ZNF846: variants seen among roughly 807,000 people sequenced by gnomAD.
ZNF846 encodes the protein zinc finger protein 846.
In ZNF846, 15 loss-of-function variants were observed where a neutral mutation model predicts 16.0. The ratio of observed to expected loss-of-function variants is 0.94; its 90% confidence interval spans 0.63 to 1.45. The LOEUF (loss-of-function observed/expected upper bound fraction) is 1.45. ZNF846 is among the 40% of genes most tolerant of loss of function. The pLI is 0.00. For missense variants in ZNF846, 714 were observed against 622.3 expected, an observed-to-expected ratio of 1.15 and a Z score of -1.57; for synonymous variants, 229 against 212.0, an observed-to-expected ratio of 1.08 and a Z score of -0.70.
chr19:9,777,898 C>T (rs577699403), intron 1 of ZNF846, among the ~76,000 whole-genome samples: 1 of 152,126 alleles, frequency 6.6e-6, no homozygotes, highest in African/African-American at 2.4e-5. Context: ...TTGTGAGTAA[C>T]GGTGCTATGA....
chr19:9,756,923 T>C (rs1039594401), downstream of ZNF846: 3 of 151,732 alleles, frequency 2.0e-5, no homozygotes, highest in African/African-American at 7.3e-5. Context: ...ATGCTGGGTG[T>C]GGTGGCTCAA....
At chr19:9,771,628 G>C (rs1013135024), upstream of ZNF846, among the ~76,000 whole-genome samples, 2 of 152,048 alleles carry the variant, frequency 1.3e-5, no homozygotes, top group Non-Finnish European at 2.9e-5. Context: ...TGACTTTCTT[G>C]CTTTTTATAG....
At chr19:9,757,732 C>G (rs370808629) in exon 6 of ZNF846, 2 of 1,613,280 alleles carry the variant, frequency 1.2e-6, no homozygotes, top group South Asian at 1.1e-5. Flanking sequence ...CATTCACAGG[C>G]CTTTTCTCCA....
downstream of ZNF846, among the ~76,000 whole-genome samples, chr19:9,749,517 TTC>T (rs1341331617): frequency 3.3e-5 from 5 of 151,972 alleles, no homozygotes; most frequent in East Asian, 9.7e-4. Flanking sequence ...GCAAGATACA[TTC>T]CAATTCTCCT....
chr19:9,767,289 C>T (rs1357330882), intron 1 of ZNF846, among the ~76,000 whole-genome samples: 1 of 151,988 alleles, frequency 6.6e-6, no homozygotes, highest in Admixed American at 6.6e-5. Flanking sequence ...GCATGCCCCA[C>T]CACACCTGGC....
In ZNF846 at chr19:9,783,333, C is replaced by T. The variant is rs140036910; in HGVS notation, c.-86+2605G>A. 7.2e-3 allele frequency among the ~76,000 whole-genome samples: 1,005 copies of T among 139,572 alleles called. 19 individuals are homozygous for T. The highest frequency in any genetic ancestry group is 0.025 in the African/African-American group (945 of 37,392). 91.6% of individuals were successfully genotyped at this position (139,572 alleles called of 152,430 possible). ...GCAACCTCCAACTCCCAAGTTCAAG[C>T]GATTCTCCTGCCTCAGCCTCCCTAG... On this transcript the variant is annotated intron_variant, in intron 1 of 4. Transcript: ENST00000586814.
chr19:9,781,226 A>G (rs182943064), intron 1 of ZNF846, among the ~76,000 whole-genome samples: 7 of 152,270 alleles, frequency 4.6e-5, no homozygotes, highest in East Asian at 1.9e-4. Flanking sequence ...CCCAGGTCCA[A>G]GCGAATTCTC....
chr19:9,764,249 T>A (rs535200016), intron 2 of ZNF846, among the ~76,000 whole-genome samples: 1 of 152,372 alleles, frequency 6.6e-6, no homozygotes, highest in African/African-American at 2.4e-5. Flanking sequence ...ACTTCTGGTC[T>A]AACCAGTTGT....
chr19:9,761,752 A>G (rs2045233733), intron 4 of ZNF846, among the ~76,000 whole-genome samples: 1 of 152,132 alleles, frequency 6.6e-6, no homozygotes, highest in African/African-American at 2.4e-5. Flanking sequence ...CCAACTAATA[A>G]TATGCAGAAA....
At chr19:9,762,148 G>C in exon 4 of ZNF846, 1 of 1,614,000 alleles carries the variant, frequency 6.2e-7, no homozygotes, top group South Asian at 1.1e-5. Flanking sequence ...ATGAGACTAC[G>C]TTTGAATAAT....
intron 4 of ZNF846, among the ~76,000 whole-genome samples, chr19:9,760,461 G>C (rs1025190997): frequency 1.3e-5 from 2 of 151,340 alleles, no homozygotes; most frequent in Non-Finnish European, 2.9e-5. Flanking sequence ...AGCACTTTGG[G>C]AGGTCAAGGT....
At chr19:9,750,065 T>C (rs117585895), downstream of ZNF846, among the ~76,000 whole-genome samples, 774 of 152,136 alleles carry the variant, frequency 5.1e-3, 2 homozygotes, top group Non-Finnish European at 8.8e-3. Context: ...ATCCAAATGT[T>C]CCTTTACTCT....
downstream of ZNF846, among the ~76,000 whole-genome samples, chr19:9,754,127 T>G (rs1160820157): frequency 1.3e-5 from 2 of 151,748 alleles, no homozygotes; most frequent in African/African-American, 4.9e-5. Flanking sequence ...TATACTCTCA[T>G]TCACTCTCTC....
At chr19:9,757,976 T>C (rs760024750) in exon 6 of ZNF846, 1 of 1,613,682 alleles carries the variant, frequency 6.2e-7, no homozygotes, top group South Asian at 1.1e-5. Flanking sequence ...ATGCCTTACA[T>C]AAATACAGCT....
downstream of ZNF846, among the ~76,000 whole-genome samples, chr19:9,752,628 A>G (rs1380259958): frequency 6.6e-6 from 1 of 151,584 alleles, no homozygotes; most frequent in East Asian, 1.9e-4. Flanking sequence ...AAAAAAAAAA[A>G]AAAAAAATTC....
At chr19:9,785,210 T>G (rs1175450338) in intron 1 of ZNF846, among the ~76,000 whole-genome samples, 11 of 148,754 alleles carry the variant, frequency 7.4e-5, no homozygotes, top group African/African-American at 2.5e-4. Flanking sequence ...ATTTTTTTTT[T>G]TTTTTTTTTT....
In ZNF846 at chr19:9,758,597, G is replaced by T. The variant is rs977452460; in HGVS notation, c.480C>A (p.Tyr160Ter). The T allele has an allele frequency of 6.2e-7, 1 of 1,612,728 alleles. No homozygotes were observed. Among genetic ancestry groups the T allele is most frequent in the Admixed American group, 1.7e-5 (1 of 59,916 alleles). ...TTTTCCCCTCAGCATGACTTTTCTT[G>T]TAAAAACTATGAGGAAAGTTCTTTC... The change falls in exon 6 of 6, where the codon TAC becomes TAA. Residue 160 changes from tyrosine to a stop codon, truncating the protein, a stop_gained. Transcript: ENST00000397902. LOFTEE classifies it low-confidence loss of function (END_TRUNC).
chr19:9,756,345 G>GTGTGTGTGTATATA (rs1321690890), downstream of ZNF846: 10 of 81,766 alleles, frequency 1.2e-4, no homozygotes, highest in African/African-American at 4.3e-4. Context: ...GTGTGTGTGT[G>GTGTGTGTGTATATA]TATATATATA....
downstream of ZNF846, among the ~76,000 whole-genome samples, chr19:9,748,813 T>G (rs2045063378): frequency 6.6e-6 from 1 of 152,154 alleles, no homozygotes; most frequent in African/African-American, 2.4e-5. Context: ...CATACCTTCT[T>G]GCTGGGCCCC....
Sources: allele counts gnomAD v4.1 joint callset (sites outside exome capture counted in the v4.1 genomes callset), GRCh38; gene constraint gnomAD v4.1.1; transcripts MANE v1.5; gene names NCBI Gene and HGNC (gene_info 2026-07-23, HGNC 2026-07-21).